Variants in FRMD5 observed in about 807,000 individuals in gnomAD.
FRMD5 encodes the protein FERM domain-containing protein 5.
In FRMD5, 20 loss-of-function variants were observed where a neutral mutation model predicts 69.0. The ratio of observed to expected loss-of-function variants is 0.29; its 90% CI spans 0.20 to 0.42. The LOEUF is 0.42. FRMD5 is among the 10% of genes least tolerant of loss of function. The pLI, the probability that FRMD5 is intolerant of heterozygous loss-of-function variation, is 1.00. For missense variants in FRMD5, 595 were observed against 708.6 expected, an observed-to-expected ratio of 0.84 and a Z score of 1.82; for synonymous variants, 271 against 260.1, an observed-to-expected ratio of 1.04 and a Z score of -0.40.
At chr15:43,875,348 C>CAAAAAAAAA (rs1202161221) in intron 13 of FRMD5, among the ~76,000 whole-genome samples, 4 of 46,812 alleles carry the variant, frequency 8.5e-5, no homozygotes, top group African/African-American at 4.0e-4. Context: ...AAGACTGTCT[C>CAAAAAAAAA]AAAAAAAAAA....
intron 12 of FRMD5, among the ~76,000 whole-genome samples, chr15:43,884,092 A>C (rs1207834453): frequency 6.6e-6 from 1 of 152,068 alleles, no homozygotes; most frequent in Non-Finnish European, 1.5e-5. Context: ...AGACTGTCAG[A>C]GAGTAGAGCC....
intron 1 of FRMD5, among the ~76,000 whole-genome samples, chr15:44,002,231 A>T (rs978906429): frequency 4.6e-5 from 7 of 152,056 alleles, no homozygotes; most frequent in Non-Finnish European, 7.4e-5. Flanking sequence ...AAAAACTTAC[A>T]TCTGGGTGTT....
intron 1 of FRMD5, among the ~76,000 whole-genome samples, chr15:44,123,344 CA>C (rs35476491): frequency 2.0e-5 from 3 of 147,246 alleles, no homozygotes; most frequent in African/African-American, 7.5e-5. Context: ...AACTCCATCT[CA>C]AAAAAAAAAA....
intron 1 of FRMD5, among the ~76,000 whole-genome samples, chr15:43,976,682 T>C (rs1302638954): frequency 6.6e-6 from 1 of 152,322 alleles, no homozygotes; most frequent in Admixed American, 6.5e-5. Context: ...TTTTTTATTT[T>C]TGAGACGGAG....
chr15:44,193,274 G>C (rs1442989984), intron 1 of FRMD5, among the ~76,000 whole-genome samples: 1 of 152,022 alleles, frequency 6.6e-6, no homozygotes, highest in African/African-American at 2.4e-5. Context: ...AGTATTCTTA[G>C]GACTTATAAA....
At chr15:43,886,098 C>T (rs1303843478) in intron 10 of FRMD5, among the ~76,000 whole-genome samples, 1 of 152,186 alleles carries the variant, frequency 6.6e-6, no homozygotes, top group Non-Finnish European at 1.5e-5. Context: ...TAATCTCAGC[C>T]ACGTCACTTA....
At position 44,073,838 on chromosome 15, in the gene FRMD5, G is replaced by A. The variant is rs375286949; in HGVS notation, c.102+121115C>T. Among the ~76,000 whole-genome samples, 33 of 152,138 alleles carry A rather than the reference G, an allele frequency of 2.2e-4. No homozygotes were observed. The East Asian group carries it at 3.1e-3, about 14-fold the overall frequency. Reference sequence around the variant, plus strand: ...AATCTAATAGAATTTTGCAGCTTACGACAATAAAACATTGGTATGAACTGT... The same window carrying A: ...AATCTAATAGAATTTTGCAGCTTACAACAATAAAACATTGGTATGAACTGT... On this transcript the variant is annotated intron_variant, in intron 1 of 13. Transcript: ENST00000417257.
intron 1 of FRMD5, among the ~76,000 whole-genome samples, chr15:44,027,995 T>C (rs1000414803): frequency 1.3e-5 from 2 of 152,144 alleles, no homozygotes; most frequent in Admixed American, 6.5e-5. Flanking sequence ...TCATATCTGT[T>C]CACACGTCAC....
At chr15:43,931,340 G>C (rs765429230) in intron 1 of FRMD5, among the ~76,000 whole-genome samples, 71 of 152,098 alleles carry the variant, frequency 4.7e-4, no homozygotes, top group Admixed American at 1.3e-4. Flanking sequence ...TCATTGCTTT[G>C]TATTTGTGAA....
chr15:44,091,993 C>A (rs2076480213), intron 1 of FRMD5, among the ~76,000 whole-genome samples: 1 of 152,096 alleles, frequency 6.6e-6, no homozygotes, highest in Admixed American at 6.6e-5. Flanking sequence ...ACATGGGATG[C>A]AAGAGAAGCA....
At chr15:44,099,977 A>G (rs955467291) in intron 1 of FRMD5, among the ~76,000 whole-genome samples, 1 of 151,312 alleles carries the variant, frequency 6.6e-6, no homozygotes, top group African/African-American at 2.4e-5. Context: ...AAGCCCCCCT[A>G]CACTCTGAGT....
At position 43,890,870 on chromosome 15, in the gene FRMD5, G is replaced by A. The variant is rs530445749; in HGVS notation, c.728+1111C>T. Among the ~76,000 whole-genome samples, 9 of 152,244 alleles carry A rather than the reference G, an allele frequency of 5.9e-5. No individual in the cohort carries two copies. The South Asian group carries it at 1.2e-3, about 21-fold the overall frequency. ...CAAAATCAAGGTGGGCTGGAAAGGCGGTATCTGTCCTCAAGCTCAAACTCA... is the reference window on the plus strand; with the variant it reads ...CAAAATCAAGGTGGGCTGGAAAGGCAGTATCTGTCCTCAAGCTCAAACTCA... On this transcript the variant is annotated intron_variant, in intron 8 of 13. Coordinates refer to ENST00000417257, the MANE Select transcript of FRMD5 (RefSeq NM_032892.5).
At chr15:44,192,115 A>G (rs962815846) in intron 1 of FRMD5, among the ~76,000 whole-genome samples, 1 of 151,936 alleles carries the variant, frequency 6.6e-6, no homozygotes, top group African/African-American at 2.4e-5. Context: ...CTACAAATAC[A>G]TTTGCATATC....
intron 1 of FRMD5, among the ~76,000 whole-genome samples, chr15:44,095,317 C>T (rs1385586794): frequency 2.6e-5 from 4 of 152,028 alleles, no homozygotes; most frequent in Non-Finnish European, 5.9e-5. Flanking sequence ...AGCCTCCTGC[C>T]TCAGTTTCCC....
At chr15:43,945,778 T>C (rs2089936885) in intron 1 of FRMD5, among the ~76,000 whole-genome samples, 1 of 152,148 alleles carries the variant, frequency 6.6e-6, no homozygotes, top group Non-Finnish European at 1.5e-5. Context: ...TAAAAATGTC[T>C]TCCCCAGGTG....
intron 1 of FRMD5, among the ~76,000 whole-genome samples, chr15:44,014,078 T>C (rs1461133354): frequency 6.6e-6 from 1 of 152,062 alleles, no homozygotes; most frequent in African/African-American, 2.4e-5. Flanking sequence ...CAGGCTGATC[T>C]CGATCTCTGG....
At chr15:43,937,644 CAAAA>C (rs58803908) in intron 1 of FRMD5, among the ~76,000 whole-genome samples, 1 of 60,470 alleles carries the variant, frequency 1.7e-5, no homozygotes. Context: ...GACACTGTCT[CAAAA>C]AAAAAAAAAA....
intron 1 of FRMD5, among the ~76,000 whole-genome samples, chr15:44,050,560 T>C (rs1290207257): frequency 1.4e-5 from 2 of 140,250 alleles, no homozygotes; most frequent in African/African-American, 2.6e-5. Context: ...GGTAGAGATA[T>C]GGTCTTGCTA....
At chr15:43,890,039 G>C (rs1479893376) in intron 8 of FRMD5, among the ~76,000 whole-genome samples, 1 of 152,174 alleles carries the variant, frequency 6.6e-6, no homozygotes, top group Admixed American at 6.5e-5. Flanking sequence ...GGCTGGGTCA[G>C]GATGAGATTT....
Sources: gnomAD v4.1 joint callset for allele counts (sites outside exome capture counted in the v4.1 genomes callset) on GRCh38, gnomAD v4.1.1 for gene constraint, MANE v1.5 for transcripts, NCBI Gene and HGNC (gene_info 2026-07-23, HGNC 2026-07-21) for gene names.